The following CUL1 variants were observed in gnomAD, a reference collection of about 807,000 sequenced individuals.
The protein encoded by CUL1 is cullin-1.
A neutral mutation model predicts 118.0 loss-of-function variants in CUL1; 24 were observed. That is an observed-to-expected ratio of 0.20 (90% confidence interval 0.15 to 0.29). The LOEUF (loss-of-function observed/expected upper bound fraction) is 0.29, where lower values mean the gene tolerates loss of function less well. CUL1 is among the 10% of genes least tolerant of loss of function. CUL1 has a pLI of 1.00. For missense variants in CUL1, 361 were observed against 933.8 expected (o/e 0.39, Z 7.99); for synonymous variants, 332 against 340.4 (o/e 0.98, Z 0.27).
At chr7:148,702,823 G>A (rs1797761588) in intron 1 of CUL1, among the ~76,000 whole-genome samples, 1 of 152,162 alleles carries the variant, frequency 6.6e-6, no homozygotes, top group Non-Finnish European at 1.5e-5. Flanking sequence ...ATTGTAGTTG[G>A]TGGTTTCTCC....
At chr7:148,797,740 G>A (rs1801254949) in intron 17 of CUL1, 72 bp from the exon 18 acceptor site, 2 of 1,044,310 alleles carry the variant, frequency 1.9e-6, no homozygotes, top group Non-Finnish European at 1.5e-6. Context: ...GGACTGTGAG[G>A]TTGCCTGTGG....
intron 1 of CUL1, among the ~76,000 whole-genome samples, chr7:148,719,012 G>T (rs243527): frequency 0.45 from 68,614 of 151,924 alleles, 16,442 homozygotes; most frequent in African/African-American, 0.62. Context: ...TAAGTAGAGA[G>T]AAAACTTAGC....
chr7:148,732,146 A>G (rs1005866607), intron 2 of CUL1, among the ~76,000 whole-genome samples: 1 of 152,010 alleles, frequency 6.6e-6, no homozygotes, highest in Non-Finnish European at 1.5e-5. Flanking sequence ...TAGGTATGGC[A>G]TTTTCTTAAT....
chr7:148,798,063 G>A lies in CUL1; in HGVS notation c.2030+44G>A, dbSNP rs375616516. On this transcript the variant is annotated intron_variant, in intron 19 of 21. Transcript: ENST00000325222. ...GTAGATGGCCCTTGACCATAGACAC[G>A]TCCCCCGGGAGCCCTAGCACGGATC... is the stretch of plus-strand genomic sequence containing the variant. The A allele has an allele frequency of 1.6e-4, 191 of 1,178,156 alleles. No individual in the cohort carries two copies. In the Middle Eastern group the frequency reaches 3.7e-3, roughly 23 times the overall value. The allele number at this position is 1,178,156 out of a possible 1,614,324, so 73.0% of individuals were successfully genotyped here.
intron 9 of CUL1, among the ~76,000 whole-genome samples, chr7:148,778,070 C>CAAAAAAAAAAAAAAAAAAAAAAAAA (rs1203417069): frequency 2.2e-4 from 3 of 13,796 alleles, no homozygotes; most frequent in Admixed American, 1.4e-3. Flanking sequence ...GACCCTGTCT[C>CAAAAAAAAAAAAAAAAAAAAAAAAA]AAAAAAAAAA....
At chr7:148,710,336 A>C (rs1476241724) in intron 1 of CUL1, among the ~76,000 whole-genome samples, 1 of 152,076 alleles carries the variant, frequency 6.6e-6, no homozygotes, top group African/African-American at 2.4e-5. Flanking sequence ...TTGGGAGGCC[A>C]AGGCGAGCGG....
chr7:148,699,985 TAAGA>T (rs1198435319), intron 1 of CUL1, among the ~76,000 whole-genome samples: 2 of 152,018 alleles, frequency 1.3e-5, no homozygotes, highest in African/African-American at 4.8e-5. Flanking sequence ...AGACATAAGA[TAAGA>T]AAGAGAGGAA....
At chr7:148,717,931 A>G (rs911216601) in intron 1 of CUL1, among the ~76,000 whole-genome samples, 1 of 152,148 alleles carries the variant, frequency 6.6e-6, no homozygotes, top group African/African-American at 2.4e-5. Context: ...ATCTCTTCCA[A>G]TACCTGCAGG....
intron 15 of CUL1, 82 bp downstream of exon 15, chr7:148,789,908 C>A: frequency 7.8e-7 from 1 of 1,274,384 alleles, no homozygotes; most frequent in Non-Finnish European, 1.1e-6. Flanking sequence ...AGGGGACAGG[C>A]CTGCAGATGG....
At chr7:148,769,808 T>A (rs967893201) in intron 9 of CUL1, among the ~76,000 whole-genome samples, 7 of 151,874 alleles carry the variant, frequency 4.6e-5, no homozygotes, top group Non-Finnish European at 7.4e-5. Flanking sequence ...GGCAGGAGGG[T>A]CACTTGAGCC....
At chr7:148,725,540 A>T (rs1220349315) in intron 1 of CUL1, among the ~76,000 whole-genome samples, 2 of 152,054 alleles carry the variant, frequency 1.3e-5, no homozygotes, top group African/African-American at 2.4e-5. Flanking sequence ...ATCACAGTTC[A>T]TCTTTTCTCT....
intron 2 of CUL1, among the ~76,000 whole-genome samples, chr7:148,742,374 A>G (rs1799171864): frequency 6.6e-6 from 1 of 152,090 alleles, no homozygotes; most frequent in African/African-American, 2.4e-5. Flanking sequence ...TATGCAGGGA[A>G]ACTCCCATTT....
intron 17 of CUL1, among the ~76,000 whole-genome samples, chr7:148,795,107 A>G (rs1473377718): frequency 2.0e-5 from 3 of 152,036 alleles, no homozygotes; most frequent in Non-Finnish European, 4.4e-5. Flanking sequence ...TGCTGGGATT[A>G]TAGGCGTGAG....
intron 14 of CUL1, among the ~76,000 whole-genome samples, chr7:148,789,165 A>G (rs190211195): frequency 1.3e-5 from 2 of 152,212 alleles, no homozygotes; most frequent in South Asian, 2.1e-4. Context: ...TCTTTTGATC[A>G]TCTTTGTCTT....
intron 9 of CUL1, among the ~76,000 whole-genome samples, chr7:148,774,917 G>A (rs892512852): frequency 3.9e-5 from 6 of 152,178 alleles, no homozygotes; most frequent in Admixed American, 6.5e-5. Flanking sequence ...TGGGGTGATG[G>A]TATAATACTT....
intron 1 of CUL1, among the ~76,000 whole-genome samples, chr7:148,701,454 C>CT (rs1379720110): frequency 6.6e-6 from 1 of 152,112 alleles, no homozygotes; most frequent in Non-Finnish European, 1.5e-5. Context: ...GGTTGTGAAA[C>CT]TTTAACTTTT....
chr7:148,725,198 T>TACACACACACACACAC (rs147863334), intron 1 of CUL1, among the ~76,000 whole-genome samples: 60 of 106,836 alleles, frequency 5.6e-4, no homozygotes, highest in African/African-American at 1.9e-3. Context: ...TGCGCGCGTG[T>TACACACACACACACAC]ACACACACAC....
At chr7:148,719,334 C>T (rs542949686) in intron 1 of CUL1, among the ~76,000 whole-genome samples, 1 of 152,070 alleles carries the variant, frequency 6.6e-6, no homozygotes, top group Non-Finnish European at 1.5e-5. Context: ...AATAACTTAG[C>T]TACTGTCTCT....
In CUL1 at chr7:148,754,150, G is replaced by A. The variant is rs769614679; in HGVS notation, c.315G>A (p.Lys105=). ...FLKNYLTNLL[K]DGEDLMDESV... is the part of the protein sequence containing the mutation. ...AGAATTACTTGACAAATCTTCTTAAGGTAAGATGTTTTATATATATACTGA... is the reference window on the plus strand; with the variant it reads ...AGAATTACTTGACAAATCTTCTTAAAGTAAGATGTTTTATATATATACTGA... The change falls in exon 3 of 22, where the codon AAG becomes AAA. Residue 105 remains lysine (K), a splice_region_variant and synonymous_variant. Coordinates refer to ENST00000325222, the MANE Select transcript of CUL1 (RefSeq NM_003592.3). 6.3e-7 allele frequency: 1 copy of A among 1,581,174 alleles called. No individual in the cohort carries two copies. Among genetic ancestry groups the A allele is most frequent in the Non-Finnish European group, 8.6e-7 (1 of 1,156,276 alleles).
Sources: allele counts gnomAD v4.1 joint callset (sites outside exome capture counted in the v4.1 genomes callset), GRCh38; gene constraint gnomAD v4.1.1; transcripts MANE v1.5; gene names NCBI Gene and HGNC (gene_info 2026-07-23, HGNC 2026-07-21).